Variants in SEMA4D observed in about 807,000 individuals in gnomAD.
The protein encoded by SEMA4D is semaphorin 4D.
Under a neutral mutation model 74.8 loss-of-function variants are expected in SEMA4D, and 22 were observed. The observed-to-expected ratio is 0.29, with a 90% CI of 0.21 to 0.42. The LOEUF (loss-of-function observed/expected upper bound fraction) is 0.42. SEMA4D is among the 10% of genes least tolerant of loss of function. The pLI is 1.00. For missense variants in SEMA4D, 937 were observed against 1,118.4 expected (o/e 0.84, Z 2.31); for synonymous variants, 445 against 463.7 (o/e 0.96, Z 0.52).
chr9:89,391,193 G>T lies in SEMA4D; in HGVS notation c.774+71C>A, dbSNP rs1047251982. On this transcript the variant is annotated intron_variant, in intron 9 of 15. Coordinates refer to ENST00000422704, the MANE Select transcript of SEMA4D (RefSeq NM_001371194.2). ...AAGTGACATTTGAGACGAAGGTCAG[G>T]AGCCACCCATCATCCAGGCACACTA... 43 of 1,492,272 alleles carry T rather than the reference G, an allele frequency of 2.9e-5. No homozygotes were observed. In the Middle Eastern group the frequency reaches 1.1e-3, roughly 37 times the overall value. The allele number at this position is 1,492,272 out of a possible 1,614,324, so 92.4% of individuals were successfully genotyped here.
At position 89,446,903 on chromosome 9, in the gene SEMA4D, G is replaced by A. The variant is rs561524717; in HGVS notation, c.-244+8985C>T. ...GGAGGACTCGAAGTCTCAGCTGGGC[G>A]TGCCCCTGTGGGATAGGTGCTGCCC... On this transcript the variant is annotated intron_variant, in intron 2 of 15. Coordinates refer to ENST00000422704, the MANE Select transcript of SEMA4D (RefSeq NM_001371194.2). Among the ~76,000 whole-genome samples the A allele has an allele frequency of 1.1e-4, 16 of 152,262 alleles. No individual in the cohort carries two copies. In the South Asian group the frequency reaches 1.2e-3, roughly 12 times the overall value.
intron 13 of SEMA4D, 153 bp downstream of exon 13, chr9:89,386,214 C>T: frequency 1.7e-6 from 1 of 580,946 alleles, no homozygotes; most frequent in African/African-American, 2.0e-5. Flanking sequence ...CACGGAATGG[C>T]TCTGTGTCAA....
At chr9:89,372,115 T>G (rs1322910980) in intron 16 of SEMA4D, among the ~76,000 whole-genome samples, 11 of 31,758 alleles carry the variant, frequency 3.5e-4, no homozygotes, top group African/African-American at 1.4e-3. Flanking sequence ...ATGGGTGTGG[T>G]GTGTGGGGTG....
chr9:89,375,750 C>G (rs73484015), downstream of SEMA4D, among the ~76,000 whole-genome samples: 3,735 of 152,308 alleles, frequency 0.025, 141 homozygotes, highest in African/African-American at 0.085. Flanking sequence ...AAGTGTGGTT[C>G]TGGACATCTA....
intron 6 of SEMA4D, 104 bp downstream of exon 6, chr9:89,396,632 AT>A (rs999624864): frequency 1.8e-3 from 1,640 of 905,194 alleles, no homozygotes; most frequent in Non-Finnish European, 2.0e-3. Context: ...AGAAAATCCT[AT>A]TTTTTTTTAG....
At chr9:89,377,047 C>T (rs535415823), downstream of SEMA4D, 10 of 1,533,424 alleles carry the variant, frequency 6.5e-6, no homozygotes, top group African/African-American at 4.1e-5. Flanking sequence ...GCTTAGGAGA[C>T]GAGGCTGTGA....
At chr9:89,393,527 C>T in intron 7 of SEMA4D, 35 bp downstream of exon 7, 1 of 1,529,312 alleles carries the variant, frequency 6.5e-7, no homozygotes, top group Non-Finnish European at 9.1e-7. Flanking sequence ...CCACTGTAAT[C>T]TTCACGGTGA....
intron 2 of SEMA4D, among the ~76,000 whole-genome samples, chr9:89,449,103 T>C (rs1230983868): frequency 6.6e-6 from 1 of 152,076 alleles, no homozygotes; most frequent in African/African-American, 2.4e-5. Context: ...CACGGGGCCT[T>C]TTGGGGAGGG....
intron 2 of SEMA4D, among the ~76,000 whole-genome samples, chr9:89,436,872 G>A (rs538782893): frequency 6.6e-6 from 1 of 152,346 alleles, no homozygotes; most frequent in South Asian, 2.1e-4. Context: ...TCATCTGGGG[G>A]CTCCATGGCA....
In SEMA4D at chr9:89,388,673, C is replaced by G. The variant is rs534671276; in HGVS notation, c.1070G>C (p.Arg357Pro). ...CGGCTTGGGTACCGGGCCATTATAG[C>G]GCACCCACTTGGTGTGGGACTGCTC... ...TVEQSHTKWVRYNGPVPKPRP... is the reference protein window; with the variant it reads ...TVEQSHTKWVPYNGPVPKPRP... Residue 357 changes from arginine (R) to proline (P), a missense_variant, in exon 11 of 16, where the codon CGC (arginine) becomes CCC (proline). Transcript: ENST00000422704. 13 of 1,604,198 alleles carry G rather than the reference C, an allele frequency of 8.1e-6. No individual in the cohort carries two copies. The African/African-American group carries it at 1.6e-4, about 20-fold the overall frequency.
At chr9:89,454,060 C>T (rs975464417) in intron 2 of SEMA4D, among the ~76,000 whole-genome samples, 31 of 152,134 alleles carry the variant, frequency 2.0e-4, no homozygotes, top group African/African-American at 7.2e-4. Context: ...GGTTTCACCA[C>T]GTTAGCCAGG....
intron 2 of SEMA4D, chr9:89,450,406 G>A: frequency 1.6e-6 from 2 of 1,225,462 alleles, no homozygotes; most frequent in Non-Finnish European, 2.4e-6. Flanking sequence ...TCAAGAGCAT[G>A]TGAAGATGAG....
downstream of SEMA4D, chr9:89,377,175 G>A (rs562898007): frequency 8.4e-5 from 118 of 1,404,764 alleles, 1 homozygote; most frequent in South Asian, 8.6e-4. Context: ...CAGCTGTCCC[G>A]CCTGGGCCAT....
At chr9:89,440,712 CAGCAG>C (rs1851508827) in intron 2 of SEMA4D, among the ~76,000 whole-genome samples, 1 of 152,238 alleles carries the variant, frequency 6.6e-6, no homozygotes, top group Non-Finnish European at 1.5e-5. Flanking sequence ...TGCTAAGTGC[CAGCAG>C]AGCAAAGTGG....
At chr9:89,438,043 CAG>C (rs2134979787) in intron 2 of SEMA4D, among the ~76,000 whole-genome samples, 1 of 152,330 alleles carries the variant, frequency 6.6e-6, no homozygotes, top group Non-Finnish European at 1.5e-5. Flanking sequence ...CAGCAAGATG[CAG>C]AGAGGAACCA....
At position 89,363,529 on chromosome 9, in the gene SEMA4D, T is replaced by C. The variant is rs531047080; in HGVS notation, c.2093-2A>G. The C allele has an allele frequency of 6.8e-6, 11 of 1,614,038 alleles. No individual in the cohort carries two copies. In the South Asian group the frequency reaches 1.2e-4, roughly 18 times the overall value. On this transcript the variant is annotated splice_acceptor_variant, in intron 17 of 18. Transcript: ENST00000339861. LOFTEE classifies it high-confidence loss of function. ...TCCACCTCTCCTGGTGGGTCACTTC[T>C]GGAAAACAAGCAGGGTCCCCAGGTC... is the stretch of plus-strand genomic sequence containing the variant.
chr9:89,440,444 C>CA (rs1170821602), intron 2 of SEMA4D, among the ~76,000 whole-genome samples: 3 of 152,294 alleles, frequency 2.0e-5, no homozygotes, highest in Non-Finnish European at 4.4e-5. Context: ...CCTTTACCCT[C>CA]ACAATGCTGT....
At chr9:89,425,404 C>T (rs966517145) in intron 2 of SEMA4D, among the ~76,000 whole-genome samples, 12 of 152,228 alleles carry the variant, frequency 7.9e-5, no homozygotes, top group Non-Finnish European at 1.2e-4. Flanking sequence ...AACTAACACC[C>T]GCCATAAGGC....
chr9:89,386,178 C>A, intron 13 of SEMA4D, 189 bp downstream of exon 13: 1 of 717,206 alleles, frequency 1.4e-6, no homozygotes, highest in Non-Finnish European at 1.7e-6. Flanking sequence ...TGCCTTCCTG[C>A]CTTCCCCAAT....
Sources: allele counts gnomAD v4.1 joint callset (sites outside exome capture counted in the v4.1 genomes callset), GRCh38; gene constraint gnomAD v4.1.1; transcripts MANE v1.5; gene names NCBI Gene and HGNC (gene_info 2026-07-23, HGNC 2026-07-21).